GNG12: variants seen among roughly 807,000 people sequenced by gnomAD.
GNG12 encodes the protein G protein subunit gamma 12.
For missense variants in GNG12, 69 were observed against 83.8 expected, an observed-to-expected ratio of 0.82 and a Z score of 0.69; for synonymous variants, 28 against 29.7, an observed-to-expected ratio of 0.94 and a Z score of 0.19.
chr1:67,793,158 T>C (rs965691750), intron 1 of GNG12, among the ~76,000 whole-genome samples: 1 of 152,206 alleles, frequency 6.6e-6, no homozygotes, highest in African/African-American at 2.4e-5. Flanking sequence ...TCTGGATCTT[T>C]TATATATAAG....
At chr1:67,813,789 C>G (rs1272611623) in intron 1 of GNG12, among the ~76,000 whole-genome samples, 2 of 152,150 alleles carry the variant, frequency 1.3e-5, no homozygotes, top group Non-Finnish European at 1.5e-5. Context: ...ATCTTTTCCT[C>G]CCCCATTATC....
chr1:67,804,045 T>G (rs1287776547), intron 1 of GNG12, among the ~76,000 whole-genome samples: 1 of 151,904 alleles, frequency 6.6e-6, no homozygotes, highest in African/African-American at 2.4e-5. Context: ...AGAAGAGGGA[T>G]AGGCAGAAGC....
In GNG12 at chr1:67,703,029, C is replaced by T. The variant is rs938814868; in HGVS notation, c.*2422G>A. On this transcript the variant is annotated 3_prime_UTR_variant, in exon 4 of 4. Coordinates refer to ENST00000370982, the MANE Select transcript of GNG12 (RefSeq NM_018841.6). The stretch of plus-strand genomic sequence containing the variant: ...TAAAGCCTGATAAAAAAAGTGACTT[C>T]TGCATATCATATATATGTATACATA... The T allele has an allele frequency of 6.6e-6, 1 of 152,154 alleles. No individual in the cohort carries two copies. Among genetic ancestry groups the T allele is most frequent in the Non-Finnish European group, 1.5e-5 (1 of 68,008 alleles). 9.4% of individuals were successfully genotyped at this position (152,154 alleles called of 1,614,324 possible).
intron 2 of GNG12, among the ~76,000 whole-genome samples, chr1:67,753,519 G>C (rs1242826504): frequency 5.3e-5 from 8 of 152,174 alleles, no homozygotes; most frequent in Admixed American, 1.3e-4. Flanking sequence ...GGAGTGGTGG[G>C]CAGGCCAGCC....
Position 67,705,610 on chromosome 1 carries a change from A to C in GNG12, c.94-34T>G, listed in dbSNP as rs187892406. The C allele has an allele frequency of 2.3e-3, 3,724 of 1,590,178 alleles. 4 individuals are homozygous for C. The highest frequency in any genetic ancestry group is 2.6e-3 in the Non-Finnish European group (3,051 of 1,170,382). ...GAGATAAATCAAACAAACAAGAAAGAAAATATTTTACTTGCACACTTTCAG... is the reference window on the plus strand; with the variant it reads ...GAGATAAATCAAACAAACAAGAAAGCAAATATTTTACTTGCACACTTTCAG... On this transcript the variant is annotated intron_variant, in intron 3 of 3. Coordinates refer to ENST00000370982, the MANE Select transcript of GNG12 (RefSeq NM_018841.6).
intron 2 of GNG12, among the ~76,000 whole-genome samples, chr1:67,724,246 T>C (rs559090130): frequency 1.3e-5 from 2 of 151,992 alleles, no homozygotes; most frequent in Admixed American, 6.6e-5. Flanking sequence ...CGCTCAGAAA[T>C]TGGTCAAAAG....
At chr1:67,795,673 A>G (rs945097339) in intron 1 of GNG12, among the ~76,000 whole-genome samples, 9 of 152,186 alleles carry the variant, frequency 5.9e-5, no homozygotes, top group African/African-American at 1.9e-4. Flanking sequence ...TTTATAGCAA[A>G]TATGTTCTCA....
intron 2 of GNG12, among the ~76,000 whole-genome samples, chr1:67,765,791 G>A (rs1646632584): frequency 6.6e-6 from 1 of 152,172 alleles, no homozygotes; most frequent in Non-Finnish European, 1.5e-5. Flanking sequence ...CAATGTGGGT[G>A]ACATAGCTAA....
intron 1 of GNG12, among the ~76,000 whole-genome samples, chr1:67,782,658 T>G (rs373462578): frequency 3.3e-5 from 5 of 152,168 alleles, no homozygotes; most frequent in Admixed American, 6.6e-5. Context: ...CCAAAGACAG[T>G]ATAAATTTTA....
At chr1:67,783,593 A>C (rs1489808853) in intron 1 of GNG12, among the ~76,000 whole-genome samples, 2 of 152,160 alleles carry the variant, frequency 1.3e-5, no homozygotes, top group Non-Finnish European at 2.9e-5. Flanking sequence ...TAATATCCAG[A>C]ATCTACAATG....
chr1:67,789,613 T>C (rs936592072), intron 1 of GNG12, among the ~76,000 whole-genome samples: 4 of 152,200 alleles, frequency 2.6e-5, no homozygotes, highest in African/African-American at 7.2e-5. Flanking sequence ...CCGACACCTT[T>C]GCATCAGACA....
intron 2 of GNG12, among the ~76,000 whole-genome samples, chr1:67,749,785 C>T (rs752463198): frequency 6.6e-6 from 1 of 152,118 alleles, no homozygotes; most frequent in African/African-American, 2.4e-5. Flanking sequence ...TTTTTATCCA[C>T]AACTTGTTCC....
chr1:67,754,724 G>A (rs574419826), intron 2 of GNG12, among the ~76,000 whole-genome samples: 32 of 152,290 alleles, frequency 2.1e-4, no homozygotes, highest in African/African-American at 6.3e-4. Context: ...CAGCACCTCC[G>A]TCTCTCCCAT....
chr1:67,720,083 T>C (rs1646348381), intron 2 of GNG12, among the ~76,000 whole-genome samples: 2 of 152,328 alleles, frequency 1.3e-5, no homozygotes, highest in South Asian at 4.1e-4. Context: ...AGCCCACAGA[T>C]GCTCACTTGC....
intron 1 of GNG12, among the ~76,000 whole-genome samples, chr1:67,784,821 CTTA>C (rs77921288): frequency 0.92 from 140,487 of 152,110 alleles, 64,894 homozygotes; most frequent in Non-Finnish European, 0.93. Flanking sequence ...TTTGTATAAA[CTTA>C]CTCAAGAGCT....
chr1:67,763,639 C>G (rs149801093), intron 2 of GNG12, among the ~76,000 whole-genome samples: 7 of 152,094 alleles, frequency 4.6e-5, no homozygotes, highest in Admixed American at 4.6e-4. Context: ...CTCAAACAAC[C>G]CTCCTGCCTC....
intron 2 of GNG12, among the ~76,000 whole-genome samples, chr1:67,731,237 C>T (rs765015867): frequency 6.6e-6 from 1 of 152,136 alleles, no homozygotes; most frequent in African/African-American, 2.4e-5. Context: ...ATTACCCCTT[C>T]GCTCCCTGTC....
intron 2 of GNG12, among the ~76,000 whole-genome samples, chr1:67,724,040 G>A (rs1214322444): frequency 6.6e-6 from 1 of 152,146 alleles, no homozygotes; most frequent in Non-Finnish European, 1.5e-5. Context: ...TGACTACAGA[G>A]GAATATTTAG....
At chr1:67,758,272 C>A (rs1646581628) in intron 2 of GNG12, among the ~76,000 whole-genome samples, 1 of 152,214 alleles carries the variant, frequency 6.6e-6, no homozygotes, top group Non-Finnish European at 1.5e-5. Flanking sequence ...CTGCGTCCAG[C>A]CCTAGCTTTG....
Sources: gnomAD v4.1 joint callset for allele counts (sites outside exome capture counted in the v4.1 genomes callset) on GRCh38, gnomAD v4.1.1 for gene constraint, MANE v1.5 for transcripts, NCBI Gene and HGNC (gene_info 2026-07-23, HGNC 2026-07-21) for gene names.